Variants in MAPK10 observed in about 807,000 individuals in gnomAD.
The protein encoded by MAPK10 is JNK3 alpha protein kinase.
Under a neutral mutation model 59.3 loss-of-function variants are expected in MAPK10, and 25 were observed. That is an observed-to-expected ratio of 0.42 (90% CI 0.31 to 0.59). The LOEUF (loss-of-function observed/expected upper bound fraction) is 0.59. Ranked by LOEUF, MAPK10 falls within the 20% of genes least tolerant of loss-of-function variation. MAPK10 has a pLI of 0.15. For synonymous variants in MAPK10, 190 were observed against 200.5 expected (o/e 0.95, Z 0.44); for missense variants, 351 against 568.9 (o/e 0.62, Z 3.90).
intron 2 of MAPK10, among the ~76,000 whole-genome samples, chr4:86,196,599 T>C (rs1010703121): frequency 6.6e-6 from 1 of 152,172 alleles, no homozygotes. Flanking sequence ...TTTGTTGCTA[T>C]TGCTTTTTGG....
chr4:86,441,947 T>C (rs1234324240), intron 1 of MAPK10, among the ~76,000 whole-genome samples: 1 of 152,216 alleles, frequency 6.6e-6, no homozygotes, highest in Non-Finnish European at 1.5e-5. Context: ...GGGTATCTTT[T>C]TGTGAGTTAT....
chr4:86,551,185 A>G (rs1759745347), intron 1 of MAPK10, among the ~76,000 whole-genome samples: 1 of 151,430 alleles, frequency 6.6e-6, no homozygotes, highest in African/African-American at 2.5e-5. Flanking sequence ...CTGCATATGT[A>G]TATGTGTTAG....
At chr4:86,265,804 T>A (rs2094210346) in intron 2 of MAPK10, among the ~76,000 whole-genome samples, 1 of 152,110 alleles carries the variant, frequency 6.6e-6, no homozygotes, top group South Asian at 2.1e-4. Context: ...TAAGTTTTTT[T>A]CTGAAGTCCT....
intron 2 of MAPK10, among the ~76,000 whole-genome samples, chr4:86,294,843 G>A (rs1350581225): frequency 6.6e-6 from 1 of 152,166 alleles, no homozygotes; most frequent in Non-Finnish European, 1.5e-5. Context: ...CCTCTTCGAG[G>A]CTTTGGCTGA....
intron 2 of MAPK10, among the ~76,000 whole-genome samples, chr4:86,229,820 C>T (rs754991234): frequency 5.9e-5 from 9 of 152,006 alleles, no homozygotes; most frequent in Admixed American, 1.3e-4. Context: ...CTTTGTGAAG[C>T]TGAGGAGAGA....
intron 1 of MAPK10, among the ~76,000 whole-genome samples, chr4:86,415,849 C>T (rs531800511): frequency 7.2e-5 from 11 of 152,218 alleles, no homozygotes; most frequent in South Asian, 4.1e-4. Flanking sequence ...AACTCCAGAG[C>T]GAACTATGTA....
At position 86,184,524 on chromosome 4, in the gene MAPK10, G is replaced by T. The variant is rs545829559; in HGVS notation, c.66+9812C>A. On this transcript the variant is annotated intron_variant, in intron 3 of 13. Coordinates refer to ENST00000641462, the MANE Select transcript of MAPK10 (RefSeq NM_138982.4). ...GCCTACTGATATGGTTTGGATATTT[G>T]TCCCCTTCAAATCTCATGTTAAAAT... Among the ~76,000 whole-genome samples, 3 of 152,200 alleles carry T rather than the reference G, an allele frequency of 2.0e-5. No homozygotes were observed. The East Asian group carries it at 5.8e-4, about 29-fold the overall frequency.
At chr4:86,311,525 A>C (rs2095669014) in intron 2 of MAPK10, among the ~76,000 whole-genome samples, 1 of 152,160 alleles carries the variant, frequency 6.6e-6, no homozygotes, top group Non-Finnish European at 1.5e-5. Flanking sequence ...AACTACATTT[A>C]ACTACATTTT....
intron 4 of MAPK10, among the ~76,000 whole-genome samples, chr4:86,158,304 C>G (rs1441463357): frequency 1.3e-5 from 2 of 151,870 alleles, no homozygotes; most frequent in African/African-American, 2.4e-5. Flanking sequence ...CTGCCACCAT[C>G]TTGATCTTAG....
intron 2 of MAPK10, among the ~76,000 whole-genome samples, chr4:86,201,965 TTG>T (rs1286996586): frequency 3.3e-5 from 5 of 151,900 alleles, no homozygotes; most frequent in African/African-American, 4.8e-5. Context: ...CTTTGAGCTA[TTG>T]TGTTACATAT....
At chr4:86,224,129 A>G (rs755680079) in intron 2 of MAPK10, among the ~76,000 whole-genome samples, 6 of 152,204 alleles carry the variant, frequency 3.9e-5, no homozygotes, top group Admixed American at 6.5e-5. Flanking sequence ...ATCTGAGTGC[A>G]CTGAACAAAT....
At chr4:86,123,444 T>C (rs1019534274) in intron 4 of MAPK10, among the ~76,000 whole-genome samples, 1 of 152,042 alleles carries the variant, frequency 6.6e-6, no homozygotes, top group Non-Finnish European at 1.5e-5. Flanking sequence ...ATATGGAAGT[T>C]GTAGTTTTAG....
At chr4:86,085,210 T>A (rs1168796634) in intron 9 of MAPK10, among the ~76,000 whole-genome samples, 1 of 151,988 alleles carries the variant, frequency 6.6e-6, no homozygotes, top group Non-Finnish European at 1.5e-5. Flanking sequence ...GAGTAATACC[T>A]CCCAAACACA....
intron 2 of MAPK10, among the ~76,000 whole-genome samples, chr4:86,352,889 C>A (rs1345581059): frequency 1.3e-5 from 2 of 152,176 alleles, no homozygotes; most frequent in South Asian, 4.1e-4. Context: ...CTAAGAGATC[C>A]TTCATGGCAC....
At chr4:86,539,164 C>G (rs1395482530) in intron 1 of MAPK10, among the ~76,000 whole-genome samples, 4 of 151,982 alleles carry the variant, frequency 2.6e-5, no homozygotes, top group African/African-American at 9.7e-5. Flanking sequence ...CCCAGGAAAA[C>G]AGGATCTGTC....
chr4:86,480,236 C>T (rs1363152766), intron 1 of MAPK10, among the ~76,000 whole-genome samples: 1 of 152,070 alleles, frequency 6.6e-6, no homozygotes, highest in South Asian at 2.1e-4. Flanking sequence ...CCGGTCCTTG[C>T]CTTAACTGAT....
In MAPK10 at chr4:86,102,048, C is replaced by T; in HGVS notation, c.426-16G>A. On this transcript the variant is annotated splice_polypyrimidine_tract_variant and intron_variant, in intron 6 of 13. Transcript: ENST00000641462. ...TACTAAGTAACTAGAAGGGTGAATC[C>T]ACAGTGTTAGTTCCAGATCACAAGA... The T allele has an allele frequency of 2.5e-6, 4 of 1,612,612 alleles. No homozygotes were observed. The highest frequency in any genetic ancestry group is 3.4e-6 in the Non-Finnish European group (4 of 1,178,774).
intron 1 of MAPK10, among the ~76,000 whole-genome samples, chr4:86,588,605 T>A (rs1306440194): frequency 6.6e-6 from 1 of 152,176 alleles, no homozygotes; most frequent in Non-Finnish European, 1.5e-5. Context: ...AGGCAATGAA[T>A]ATCCTTGATC....
chr4:86,520,872 G>A (rs1265622718), intron 1 of MAPK10, among the ~76,000 whole-genome samples: 2 of 152,176 alleles, frequency 1.3e-5, no homozygotes, highest in African/African-American at 2.4e-5. Context: ...TGCAGTGATT[G>A]TTATTGCCCT....
Sources: allele counts gnomAD v4.1 joint callset (sites outside exome capture counted in the v4.1 genomes callset), GRCh38; gene constraint gnomAD v4.1.1; transcripts MANE v1.5; gene names NCBI Gene and HGNC (gene_info 2026-07-23, HGNC 2026-07-21).